Variants in KLHL32 observed in about 807,000 individuals in gnomAD.
KLHL32 encodes kelch-like protein 32.
In KLHL32, 35 loss-of-function variants were observed where a neutral mutation model predicts 64.8. The observed-to-expected ratio is 0.54, with a 90% CI of 0.41 to 0.72. KLHL32 has a LOEUF of 0.72. KLHL32 is among the 30% of genes least tolerant of loss of function. The pLI, the probability that KLHL32 is intolerant of heterozygous loss-of-function variation, is 0.00. For missense variants in KLHL32, 589 were observed against 768.5 expected, an observed-to-expected ratio of 0.77 and a Z score of 2.76; for synonymous variants, 259 against 281.0, an observed-to-expected ratio of 0.92 and a Z score of 0.78.
intron 7 of KLHL32, among the ~76,000 whole-genome samples, chr6:97,115,655 G>A (rs556620930): frequency 6.6e-6 from 1 of 152,248 alleles, no homozygotes; most frequent in South Asian, 2.1e-4. Flanking sequence ...ATAAACATGT[G>A]TTTTCAATCT....
chr6:96,937,465 A>G (rs1434871830), intron 1 of KLHL32, among the ~76,000 whole-genome samples: 2 of 152,206 alleles, frequency 1.3e-5, no homozygotes, highest in Non-Finnish European at 2.9e-5. Flanking sequence ...GAAATGGAAG[A>G]GAGATGTAGG....
Position 97,038,395 on chromosome 6 carries a change from A to G in KLHL32, c.205-3097A>G, listed in dbSNP as rs541128028. On this transcript the variant is annotated intron_variant, in intron 3 of 10. Transcript: ENST00000369261. The stretch of plus-strand genomic sequence containing the variant: ...CTTAAAAGAAGATATACAGATGTCC[A>G]ATAGATATATTTAAAAAAATGCTGA... Among the ~76,000 whole-genome samples the G allele has an allele frequency of 3.5e-3, 534 of 152,290 alleles. 3 individuals are homozygous for G. Among genetic ancestry groups the G allele is most frequent in the African/African-American group, 0.013 (521 of 41,580 alleles).
chr6:97,024,976 A>G, intron 3 of KLHL32: 3 of 984,584 alleles, frequency 3.0e-6, no homozygotes, highest in Non-Finnish European at 3.6e-6. Context: ...ATTTGCATTC[A>G]TGCTTATTTG....
the KLHL32 span, among the ~76,000 whole-genome samples, chr6:96,911,824 C>CCTTTTTTT: frequency 1.8e-5 from 1 of 54,078 alleles, no homozygotes; most frequent in Admixed American, 2.8e-4. Flanking sequence ...CTCGGTCCTT[C>CCTTTTTTT]TTTTTTTTTT....
At chr6:97,094,623 C>A (rs934094373) in intron 6 of KLHL32, among the ~76,000 whole-genome samples, 6 of 152,128 alleles carry the variant, frequency 3.9e-5, no homozygotes, top group African/African-American at 1.4e-4. Flanking sequence ...GAACTGCAAA[C>A]CTATTTTGAT....
At chr6:97,017,647 A>G (rs1181501625) in intron 3 of KLHL32, among the ~76,000 whole-genome samples, 2 of 152,164 alleles carry the variant, frequency 1.3e-5, no homozygotes, top group African/African-American at 2.4e-5. Context: ...TGTGGCAGAG[A>G]TGGCCAGCCA....
chr6:97,111,938 A>G (rs548906394), intron 6 of KLHL32, among the ~76,000 whole-genome samples: 3 of 151,680 alleles, frequency 2.0e-5, no homozygotes, highest in Non-Finnish European at 4.4e-5. Flanking sequence ...CTCTCCAACT[A>G]TAGTCTCTGA....
intron 3 of KLHL32, among the ~76,000 whole-genome samples, chr6:97,020,859 CT>C (rs1385581333): frequency 6.6e-6 from 1 of 150,810 alleles, no homozygotes; most frequent in African/African-American, 2.5e-5. Flanking sequence ...ATCTCCCCAG[CT>C]TCTTAAAATT....
chr6:96,943,829 G>T (rs990661881), intron 1 of KLHL32, among the ~76,000 whole-genome samples: 1 of 152,346 alleles, frequency 6.6e-6, no homozygotes, highest in South Asian at 2.1e-4. Flanking sequence ...GCAGGGGAAC[G>T]AGTGTGCAGA....
chr6:96,999,357 C>T (rs1214111088), intron 3 of KLHL32, among the ~76,000 whole-genome samples: 3 of 152,164 alleles, frequency 2.0e-5, no homozygotes, highest in African/African-American at 4.8e-5. Context: ...GATTGTGCCA[C>T]AGCACTCCAG....
chr6:97,114,061 C>A lies in KLHL32; in HGVS notation c.906C>A (p.Cys302Ter). 3 of 1,614,204 alleles carry A rather than the reference C, an allele frequency of 1.9e-6. No homozygotes were observed. Among genetic ancestry groups the A allele is most frequent in the Non-Finnish European group, 2.5e-6 (3 of 1,180,042 alleles). ...TTGGTGGGAAAAAGCGCGAGGTCTG[C>A]AAGGTCAAGGAACTTCGGTACTTCA... ...YIIGGKKREV[C>*]KVKELRYFNP... The change falls in exon 7 of 11, where the codon TGC (cysteine) becomes TGA (stop). Residue 302 changes from cysteine to a stop codon, truncating the protein, a stop_gained. Transcript: ENST00000369261. LOFTEE classifies it high-confidence loss of function.
At chr6:97,035,708 G>A (rs189841248) in intron 3 of KLHL32, among the ~76,000 whole-genome samples, 43 of 152,100 alleles carry the variant, frequency 2.8e-4, no homozygotes, top group African/African-American at 9.4e-4. Context: ...GATGTCTTAT[G>A]GAGGTGGTTC....
At chr6:96,912,769 C>T in the KLHL32 span, among the ~76,000 whole-genome samples, 12 of 152,218 alleles carry the variant, frequency 7.9e-5, 1 homozygote, top group South Asian at 2.5e-3. Context: ...GGACTCCTTG[C>T]CTGACTTGGA....
At chr6:96,997,268 C>T (rs573027080) in intron 3 of KLHL32, among the ~76,000 whole-genome samples, 70 of 152,256 alleles carry the variant, frequency 4.6e-4, no homozygotes, top group Non-Finnish European at 7.9e-4. Context: ...CTAGAACCCA[C>T]AGTGCCTGGC....
chr6:96,965,271 T>C (rs1010071982), intron 1 of KLHL32, among the ~76,000 whole-genome samples: 1 of 152,240 alleles, frequency 6.6e-6, no homozygotes, highest in Non-Finnish European at 1.5e-5. Context: ...ACCTAGTTAA[T>C]TCACGTTTAA....
intron 3 of KLHL32, among the ~76,000 whole-genome samples, chr6:97,038,513 A>G (rs867448473): frequency 1.3e-5 from 2 of 152,284 alleles, no homozygotes; most frequent in Middle Eastern, 3.4e-3. Flanking sequence ...AGGCAATAAC[A>G]GATTCTGGCA....
chr6:96,983,512 G>A (rs535442797), intron 3 of KLHL32, among the ~76,000 whole-genome samples: 1 of 152,286 alleles, frequency 6.6e-6, no homozygotes, highest in East Asian at 1.9e-4. Flanking sequence ...TCTGGTGCTG[G>A]ACTTTATTTG....
At chr6:96,936,192 C>T (rs1039900779) in intron 1 of KLHL32, among the ~76,000 whole-genome samples, 3 of 152,078 alleles carry the variant, frequency 2.0e-5, no homozygotes, top group Non-Finnish European at 2.9e-5. Flanking sequence ...TTCCATAATC[C>T]AATGACTAAG....
At chr6:96,939,644 C>G (rs1771038410) in intron 1 of KLHL32, among the ~76,000 whole-genome samples, 1 of 152,072 alleles carries the variant, frequency 6.6e-6, no homozygotes, top group South Asian at 2.1e-4. Context: ...ACAGTGTCAA[C>G]ACAGTGGGGT....
Sources: gnomAD v4.1 joint callset for allele counts (sites outside exome capture counted in the v4.1 genomes callset) on GRCh38, gnomAD v4.1.1 for gene constraint, MANE v1.5 for transcripts, NCBI Gene and HGNC (gene_info 2026-07-23, HGNC 2026-07-21) for gene names.